The following BICD1 variants were observed in gnomAD, a reference collection of about 807,000 sequenced individuals.
BICD1 encodes BICD cargo adaptor 1, also known as protein bicaudal D homolog 1.
BICD1 carries 35 observed loss-of-function variants against 92.5 expected under a neutral mutation model. The ratio of observed to expected loss-of-function variants is 0.38; its 90% CI spans 0.29 to 0.50. BICD1 has a LOEUF of 0.50. Ranked by LOEUF, BICD1 falls within the 20% of genes least tolerant of loss-of-function variation. The probability of loss-of-function intolerance (pLI) is 0.93; values close to 1 mark genes in which losing one functional copy is unlikely to be tolerated. For synonymous variants in BICD1, 429 were observed against 465.1 expected (o/e 0.92, Z 1.00); for missense variants, 950 against 1,189.8 (o/e 0.80, Z 2.97).
chr12:32,238,945 A>AAAAC (rs1946154105), intron 2 of BICD1, among the ~76,000 whole-genome samples: 1 of 60,818 alleles, frequency 1.6e-5, no homozygotes, highest in Admixed American at 1.4e-4. Flanking sequence ...ACTCTGTCTC[A>AAAAC]AAAAAAAAAA....
At chr12:32,253,861 T>G (rs1000580364) in intron 2 of BICD1, among the ~76,000 whole-genome samples, 13 of 123,906 alleles carry the variant, frequency 1.0e-4, no homozygotes, top group Admixed American at 5.5e-4. Context: ...GTATCCCACC[T>G]GCCATAATCA....
chr12:32,132,291 TTGTAATCCCAGCTACTCAGGAGGC>T (rs2121306807), intron 1 of BICD1, among the ~76,000 whole-genome samples: 1 of 151,756 alleles, frequency 6.6e-6, no homozygotes. Flanking sequence ...TGGCAGGCGC[TTGTAATCCCAGCTACTCAGGAGGC>T]TGAGGCAGGA....
chr12:32,252,138 T>TATATTATATATTAC (rs1219744957), intron 2 of BICD1, among the ~76,000 whole-genome samples: 1 of 112,614 alleles, frequency 8.9e-6, no homozygotes, highest in Non-Finnish European at 1.7e-5. Context: ...ATAAATATTA[T>TATATTATATATTAC]ATATTATATA....
At chr12:32,207,854 C>A (rs11051851) in intron 1 of BICD1, among the ~76,000 whole-genome samples, 1 of 152,150 alleles carries the variant, frequency 6.6e-6, no homozygotes. Flanking sequence ...GACTCCTTTC[C>A]TAGCAGGAGG....
In BICD1 at chr12:32,327,278, T is replaced by C. The variant is rs558711609; in HGVS notation, c.1006-183T>C. On this transcript the variant is annotated intron_variant, in intron 4 of 9. Transcript: ENST00000652176. ...TTGCAGTATAATTCTTTTAGAATTA[T>C]GTACTTTTAGATTGACTTACCAGAA... Among the ~76,000 whole-genome samples the C allele has an allele frequency of 2.6e-5, 4 of 152,354 alleles. No individual in the cohort carries two copies. In the East Asian group the frequency reaches 5.8e-4, roughly 22 times the overall value.
chr12:32,166,637 G>A (rs1275815369), intron 1 of BICD1, among the ~76,000 whole-genome samples: 2 of 152,118 alleles, frequency 1.3e-5, no homozygotes, highest in African/African-American at 4.8e-5. Context: ...ATGAATAAAA[G>A]GGATAAGACT....
intron 9 of BICD1, among the ~76,000 whole-genome samples, chr12:32,377,318 A>G (rs1384800368): frequency 3.3e-5 from 5 of 152,222 alleles, no homozygotes; most frequent in African/African-American, 9.6e-5. Flanking sequence ...CTTTGAGGGA[A>G]GAGTGCATAT....
intron 2 of BICD1, among the ~76,000 whole-genome samples, chr12:32,272,740 T>C (rs927842071): frequency 2.0e-5 from 3 of 152,280 alleles, no homozygotes; most frequent in South Asian, 2.1e-4. Context: ...CCTGCCACAA[T>C]GTGGTTAAGG....
intron 1 of BICD1, among the ~76,000 whole-genome samples, chr12:32,171,327 G>T (rs954737735): frequency 6.6e-6 from 1 of 152,228 alleles, no homozygotes; most frequent in Non-Finnish European, 1.5e-5. Flanking sequence ...AGTCACAGCT[G>T]GGCCCCGAAG....
chr12:32,345,589 T>C (rs959708563), intron 8 of BICD1, among the ~76,000 whole-genome samples: 11 of 152,220 alleles, frequency 7.2e-5, no homozygotes, highest in Non-Finnish European at 1.5e-4. Flanking sequence ...GCCGGTTTTT[T>C]TCACTTGATG....
intron 2 of BICD1, among the ~76,000 whole-genome samples, chr12:32,233,176 T>G (rs1321747516): frequency 6.6e-6 from 1 of 151,982 alleles, no homozygotes; most frequent in Non-Finnish European, 1.5e-5. Flanking sequence ...ACAAAAGTTA[T>G]GTTGGCATGG....
At chr12:32,144,071 C>A (rs1377401733) in intron 1 of BICD1, among the ~76,000 whole-genome samples, 1 of 152,068 alleles carries the variant, frequency 6.6e-6, no homozygotes, top group Non-Finnish European at 1.5e-5. Flanking sequence ...TTCATCTCTG[C>A]AGTTTACTCT....
intron 1 of BICD1, among the ~76,000 whole-genome samples, chr12:32,194,299 G>A (rs68039203): frequency 0.25 from 37,318 of 152,022 alleles, 5,110 homozygotes; most frequent in Non-Finnish European, 0.32. Flanking sequence ...AACAAGAGAA[G>A]GATGCCCACA....
At chr12:32,222,343 T>A (rs989166060) in intron 2 of BICD1, among the ~76,000 whole-genome samples, 1 of 152,226 alleles carries the variant, frequency 6.6e-6, no homozygotes, top group Non-Finnish European at 1.5e-5. Context: ...GACACTGTTC[T>A]AAATACCTTA....
intron 2 of BICD1, among the ~76,000 whole-genome samples, chr12:32,272,271 T>C (rs971282688): frequency 6.6e-6 from 1 of 152,166 alleles, no homozygotes; most frequent in Non-Finnish European, 1.5e-5. Context: ...GTTTTATTTT[T>C]GCATTTGGTT....
intron 2 of BICD1, among the ~76,000 whole-genome samples, chr12:32,234,590 C>A (rs1175718963): frequency 7.1e-6 from 1 of 141,524 alleles, no homozygotes; most frequent in Non-Finnish European, 1.5e-5. Flanking sequence ...GAGCAAAACT[C>A]CGTCTCAAAA....
chr12:32,367,330 G>A (rs1939561114), intron 8 of BICD1, among the ~76,000 whole-genome samples: 1 of 152,032 alleles, frequency 6.6e-6, no homozygotes, highest in African/African-American at 2.4e-5. Context: ...ACCACATTCA[G>A]GTTTAGAATT....
At chr12:32,113,906 C>T (rs1442572451) in intron 1 of BICD1, among the ~76,000 whole-genome samples, 1 of 151,888 alleles carries the variant, frequency 6.6e-6, no homozygotes, top group Non-Finnish European at 1.5e-5. Context: ...GAATCTCGCT[C>T]TGTCGCCTAG....
At chr12:32,186,828 T>C (rs1361712629) in intron 1 of BICD1, among the ~76,000 whole-genome samples, 1 of 152,212 alleles carries the variant, frequency 6.6e-6, no homozygotes, top group Non-Finnish European at 1.5e-5. Context: ...ATGGAAATGT[T>C]TGAGATCCTG....
Sources: gnomAD v4.1 joint callset for allele counts (sites outside exome capture counted in the v4.1 genomes callset) on GRCh38, gnomAD v4.1.1 for gene constraint, MANE v1.5 for transcripts, NCBI Gene and HGNC (gene_info 2026-07-23, HGNC 2026-07-21) for gene names.